ANKIB1: variants seen among roughly 807,000 people sequenced by gnomAD.
ANKIB1 encodes the protein ankyrin repeat and IBR domain-containing protein 1.
Under a neutral mutation model 122.1 loss-of-function variants are expected in ANKIB1, and 43 were observed. The observed-to-expected ratio is 0.35, with a 90% CI of 0.28 to 0.45. The LOEUF (loss-of-function observed/expected upper bound fraction) is 0.45, where lower values mean the gene tolerates loss of function less well. ANKIB1 is among the 20% of genes least tolerant of loss of function. The probability of loss-of-function intolerance (pLI) is 1.00; values close to 1 mark genes in which losing one functional copy is unlikely to be tolerated. For missense variants in ANKIB1, 992 were observed against 1,329.5 expected (o/e 0.75, Z 3.95); for synonymous variants, 390 against 442.0 (o/e 0.88, Z 1.48).
In ANKIB1 at chr7:92,391,301, C is replaced by G; in HGVS notation, c.2188C>G (p.Arg730Gly). 1.2e-6 allele frequency: 2 copies of G among 1,613,178 alleles called. No individual in the cohort carries two copies. The highest frequency in any genetic ancestry group is 1.7e-6 in the Non-Finnish European group (2 of 1,179,538). ...GCAAGAATTCCTGGCATCTGTGGCTCGGGGAGTAGCTCCTGCAGACTCACC... is the reference window on the plus strand; with the variant it reads ...GCAAGAATTCCTGGCATCTGTGGCTGGGGGAGTAGCTCCTGCAGACTCACC... Reference protein sequence around the residue: ...KRQEFLASVARGVAPADSPEA... With the variant: ...KRQEFLASVAGGVAPADSPEA... The change falls in exon 16 of 20, where the codon CGG (arginine) becomes GGG (glycine). Residue 730 changes from arginine (R) to glycine (G), a missense_variant. Arg to Gly is a moderately radical substitution (Grantham distance 125). This residue lies in a region of ANKIB1 where 521 missense variants were observed against 777.7 expected (regional missense o/e 0.67). Coordinates refer to ENST00000265742, the MANE Select transcript of ANKIB1 (RefSeq NM_019004.2).
intron 2 of ANKIB1, among the ~76,000 whole-genome samples, chr7:92,302,444 T>C (rs1802476564): frequency 6.6e-6 from 1 of 152,192 alleles, no homozygotes; most frequent in Non-Finnish European, 1.5e-5. Context: ...TGCATCTCTC[T>C]CTCTCTGAAC....
intron 1 of ANKIB1, among the ~76,000 whole-genome samples, chr7:92,253,005 C>T (rs935503592): frequency 2.0e-5 from 3 of 151,890 alleles, no homozygotes; most frequent in African/African-American, 7.3e-5. Flanking sequence ...GCTTCCAAGC[C>T]GTCATAAAAG....
intron 6 of ANKIB1, among the ~76,000 whole-genome samples, chr7:92,344,192 GGTTTTTTTTTTT>G (rs766856858): frequency 8.7e-6 from 1 of 115,284 alleles, no homozygotes; most frequent in African/African-American, 3.4e-5. Flanking sequence ...TTGTGTTTTT[GGTTTTTTTTTTT>G]TTTTTTTTTT....
chr7:92,293,944 C>A (rs1330411910), intron 1 of ANKIB1, among the ~76,000 whole-genome samples: 3 of 152,206 alleles, frequency 2.0e-5, no homozygotes, highest in Non-Finnish European at 2.9e-5. Flanking sequence ...GCAGTAGGTA[C>A]TTTAAGTAAC....
At chr7:92,250,254 G>A (rs1024121110) in intron 1 of ANKIB1, among the ~76,000 whole-genome samples, 12 of 152,060 alleles carry the variant, frequency 7.9e-5, no homozygotes, top group Admixed American at 1.3e-4. Flanking sequence ...TTAGCCGAGC[G>A]TGGTGGCACA....
intron 4 of ANKIB1, chr7:92,325,905 T>C: frequency 2.3e-6 from 1 of 439,086 alleles, no homozygotes; most frequent in South Asian, 1.6e-5. Context: ...TAATTTAGTT[T>C]TCTTTTTCTT....
chr7:92,382,022 G>C (rs1804527493), intron 11 of ANKIB1, among the ~76,000 whole-genome samples: 1 of 151,670 alleles, frequency 6.6e-6, no homozygotes, highest in Non-Finnish European at 1.5e-5. Flanking sequence ...ACATACATAG[G>C]CTCAAAATAA....
chr7:92,368,232 T>C (rs1378844825), intron 10 of ANKIB1, among the ~76,000 whole-genome samples: 1 of 151,498 alleles, frequency 6.6e-6, no homozygotes, highest in Non-Finnish European at 1.5e-5. Context: ...TGTTAATAGA[T>C]CTTGGATTTT....
intron 1 of ANKIB1, among the ~76,000 whole-genome samples, chr7:92,256,207 C>T (rs913472776): frequency 6.6e-6 from 1 of 152,090 alleles, no homozygotes; most frequent in Non-Finnish European, 1.5e-5. Flanking sequence ...GTTTAGTGGG[C>T]AGGGCTGAGT....
In ANKIB1 at chr7:92,283,587, C is replaced by G. The variant is rs150433584; in HGVS notation, c.-90-11302C>G. Among the ~76,000 whole-genome samples the G allele has an allele frequency of 5.6e-3, 856 of 152,064 alleles. 11 individuals carry two copies. The highest frequency in any genetic ancestry group is 0.02 in the African/African-American group (825 of 41,480). ...GTTTTGTACTTAGGAATTCTGTGTC[C>G]CCTTCAGTTAGTACAGTCATGTGCC... is the stretch of plus-strand genomic sequence containing the variant. On this transcript the variant is annotated intron_variant, in intron 1 of 19. Coordinates refer to ENST00000265742, the MANE Select transcript of ANKIB1 (RefSeq NM_019004.2).
chr7:92,342,814 TA>T (rs1803465190), intron 5 of ANKIB1, among the ~76,000 whole-genome samples: 1 of 152,340 alleles, frequency 6.6e-6, no homozygotes, highest in South Asian at 2.1e-4. Context: ...GACATGGTTG[TA>T]AGCCATGATC....
rs1310289996 is a variant in ANKIB1, at chr7:92,327,883, C to G, written c.770C>G (p.Ala257Gly). 5.0e-6 allele frequency: 8 copies of G among 1,584,406 alleles called. No homozygotes were observed. In the African/African-American group the frequency reaches 9.6e-5, roughly 19 times the overall value. The change falls in exon 5 of 20, where the codon GCT becomes GGT. Residue 257 changes from alanine (A) to glycine (G), a missense_variant. Physicochemically the swap from Ala to Gly is moderately conservative, Grantham distance 60. Transcript: ENST00000265742. ...CAGGCTCCTCTCTTTACTGCTGAAGCTTTACTTCGAGCTCATGGTAATGAA... is the reference window on the plus strand; with the variant it reads ...CAGGCTCCTCTCTTTACTGCTGAAGGTTTACTTCGAGCTCATGGTAATGAA... ...MLQAPLFTAEALLRAHDWDRE... is the reference protein window; with the variant it reads ...MLQAPLFTAEGLLRAHDWDRE...
intron 2 of ANKIB1, among the ~76,000 whole-genome samples, chr7:92,297,230 A>G (rs1389503011): frequency 6.6e-6 from 1 of 152,236 alleles, no homozygotes; most frequent in African/African-American, 2.4e-5. Context: ...TTGCCCAGCT[A>G]GACGACTGTA....
At chr7:92,328,037 T>C (rs1803064941) in intron 5 of ANKIB1, 137 bp downstream of exon 5, 1 of 595,586 alleles carries the variant, frequency 1.7e-6, no homozygotes, top group Non-Finnish European at 2.9e-6. Flanking sequence ...TTTTGTGCAG[T>C]TGTTACTTCT....
At chr7:92,292,479 A>G (rs1802269948) in intron 1 of ANKIB1, among the ~76,000 whole-genome samples, 1 of 152,114 alleles carries the variant, frequency 6.6e-6, no homozygotes, top group Admixed American at 6.6e-5. Context: ...TTTCTTATAG[A>G]ATATTTCACT....
chr7:92,341,329 T>A (rs1447363715), intron 5 of ANKIB1, among the ~76,000 whole-genome samples: 7 of 148,792 alleles, frequency 4.7e-5, no homozygotes, highest in Non-Finnish European at 8.9e-5. Context: ...AAAAAAAAAA[T>A]TTGTCATAAC....
At chr7:92,263,008 G>A (rs1801597086) in intron 1 of ANKIB1, among the ~76,000 whole-genome samples, 2 of 152,152 alleles carry the variant, frequency 1.3e-5, no homozygotes, top group South Asian at 4.1e-4. Context: ...CTAGTAAGTT[G>A]TAGAGCCAGG....
intron 1 of ANKIB1, among the ~76,000 whole-genome samples, chr7:92,287,346 CT>C (rs1802151912): frequency 6.6e-6 from 1 of 152,160 alleles, no homozygotes; most frequent in Non-Finnish European, 1.5e-5. Flanking sequence ...GCTGTCTTTT[CT>C]TGTTTTGATG....
intron 10 of ANKIB1, among the ~76,000 whole-genome samples, chr7:92,363,731 G>T (rs940271203): frequency 3.9e-5 from 6 of 152,208 alleles, no homozygotes; most frequent in Non-Finnish European, 8.8e-5. Flanking sequence ...TTACAGGCTT[G>T]TATTATATCA....
Sources: gnomAD v4.1 joint callset for allele counts (sites outside exome capture counted in the v4.1 genomes callset) on GRCh38, gnomAD v4.1.1 for gene constraint, gnomAD v4.1.1 regional missense constraint, MANE v1.5 for transcripts, NCBI Gene and HGNC (gene_info 2026-07-23, HGNC 2026-07-21) for gene names.